The following ST8SIA2 variants were observed in gnomAD, a reference collection of about 807,000 sequenced individuals.
The protein encoded by ST8SIA2 is ST8 alpha-N-acetyl-neuraminide alpha-2,8-sialyltransferase 2, also known as alpha-2,8-sialyltransferase 8B.
Under a neutral mutation model 37.6 loss-of-function variants are expected in ST8SIA2, and 22 were observed. The observed-to-expected ratio is 0.58, with a 90% confidence interval of 0.42 to 0.83. The LOEUF (loss-of-function observed/expected upper bound fraction) is 0.83. Ranked by LOEUF, ST8SIA2 falls within the 40% of genes least tolerant of loss-of-function variation. ST8SIA2 has a pLI of 0.00. For missense variants in ST8SIA2, 382 were observed against 484.7 expected (o/e 0.79, Z 1.99); for synonymous variants, 205 against 201.2 (o/e 1.02, Z -0.16).
intron 1 of ST8SIA2, among the ~76,000 whole-genome samples, chr15:92,396,797 G>A (rs888496765): frequency 6.6e-6 from 1 of 152,172 alleles, no homozygotes; most frequent in Non-Finnish European, 1.5e-5. Flanking sequence ...CACAAGTGAG[G>A]TTTTAACACT....
intron 5 of ST8SIA2, 165 bp downstream of exon 5, chr15:92,445,094 T>C (rs2049832499): frequency 2.0e-6 from 2 of 1,019,230 alleles, no homozygotes; most frequent in Non-Finnish European, 2.9e-6. Context: ...CCTTGAGAGA[T>C]GAGGGGGTTT....
rs1435319214 is a variant in ST8SIA2 at position 92,394,238 on chromosome 15, AC to A, written c.98+81del. 3.1e-6 allele frequency: 4 copies of A among 1,290,136 alleles called. No homozygotes were observed. In the African/African-American group the frequency reaches 4.5e-5, roughly 14 times the overall value. 79.9% of individuals were successfully genotyped at this position (1,290,136 alleles called of 1,614,324 possible). A position where few individuals can be genotyped will look rare whatever the true frequency, so the allele number is the denominator to read the frequency against. ...CTCCTTCTGTACTCTCCACCCTCCG[AC>A]CCCCTTTGTGTGCGCCGCGCCCCGC... On this transcript the variant is annotated intron_variant, in intron 1 of 5. Transcript: ENST00000268164.
At chr15:92,436,231 G>A (rs917936639) in intron 3 of ST8SIA2, among the ~76,000 whole-genome samples, 2 of 152,092 alleles carry the variant, frequency 1.3e-5, no homozygotes, top group African/African-American at 4.8e-5. Flanking sequence ...ATATTTTAGA[G>A]GGGGTCACCA....
chr15:92,430,193 C>G (rs1439565579), intron 2 of ST8SIA2, 82 bp downstream of exon 2: 1 of 1,350,076 alleles, frequency 7.4e-7, no homozygotes, highest in Non-Finnish European at 1.0e-6. Context: ...TGGATGGTGC[C>G]CTTCTTACTT....
At chr15:92,398,603 C>G (rs2049449005) in intron 1 of ST8SIA2, among the ~76,000 whole-genome samples, 1 of 152,176 alleles carries the variant, frequency 6.6e-6, no homozygotes, top group Non-Finnish European at 1.5e-5. Flanking sequence ...GAGCCAGATG[C>G]TAGGCTAACT....
chr15:92,445,316 C>T (rs2049834364), intron 5 of ST8SIA2, among the ~76,000 whole-genome samples: 1 of 152,144 alleles, frequency 6.6e-6, no homozygotes, highest in African/African-American at 2.4e-5. Context: ...CACTTGACTT[C>T]AAGTAATTCA....
chr15:92,415,116 A>T (rs2049577620), intron 1 of ST8SIA2, among the ~76,000 whole-genome samples: 1 of 152,024 alleles, frequency 6.6e-6, no homozygotes, highest in East Asian at 1.9e-4. Context: ...TTCCTATTCT[A>T]TCTGTTGGTC....
intron 4 of ST8SIA2, among the ~76,000 whole-genome samples, chr15:92,440,468 T>G (rs2049793338): frequency 6.6e-6 from 1 of 152,148 alleles, no homozygotes. Context: ...GCCTCACTCC[T>G]GGGAGTCACG....
intron 3 of ST8SIA2, among the ~76,000 whole-genome samples, chr15:92,435,604 A>T (rs764321145): frequency 6.6e-6 from 1 of 152,134 alleles, no homozygotes; most frequent in Non-Finnish European, 1.5e-5. Context: ...ATGCCTCTGC[A>T]CCCTAGTTCT....
chr15:92,411,823 T>C (rs952766717), intron 1 of ST8SIA2, among the ~76,000 whole-genome samples: 1 of 152,128 alleles, frequency 6.6e-6, no homozygotes, highest in Non-Finnish European at 1.5e-5. Context: ...GAGATGGCAG[T>C]TGAAGCTCTT....
At chr15:92,407,191 G>A (rs2049514699) in intron 1 of ST8SIA2, among the ~76,000 whole-genome samples, 1 of 152,114 alleles carries the variant, frequency 6.6e-6, no homozygotes, top group Admixed American at 6.5e-5. Flanking sequence ...GACTGCTTAG[G>A]AAACAGAAAA....
intron 4 of ST8SIA2, among the ~76,000 whole-genome samples, chr15:92,440,498 A>G (rs1485328541): frequency 1.3e-5 from 2 of 152,172 alleles, no homozygotes; most frequent in Non-Finnish European, 2.9e-5. Flanking sequence ...ATCCACACAT[A>G]CTTGGAAAAT....
intron 4 of ST8SIA2, among the ~76,000 whole-genome samples, chr15:92,443,738 C>A (rs1379734585): frequency 1.3e-5 from 2 of 152,184 alleles, no homozygotes; most frequent in Non-Finnish European, 2.9e-5. Context: ...TTTCTCACCT[C>A]TCTGCCCTTG....
chr15:92,439,598 T>C (rs1452087793), intron 4 of ST8SIA2, among the ~76,000 whole-genome samples: 1 of 152,176 alleles, frequency 6.6e-6, no homozygotes, highest in African/African-American at 2.4e-5. Context: ...CGCCCTATTG[T>C]AGAGTTCCCT....
Position 92,436,490 on chromosome 15 carries a change from T to C in ST8SIA2, c.291-1863T>C, listed in dbSNP as rs117742864. 2.2e-4 allele frequency among the ~76,000 whole-genome samples: 33 copies of C among 152,326 alleles called. No homozygotes were observed. The East Asian group carries it at 5.8e-3, about 27-fold the overall frequency. On this transcript the variant is annotated intron_variant, in intron 3 of 5. Coordinates refer to ENST00000268164, the MANE Select transcript of ST8SIA2 (RefSeq NM_006011.4). ...ACCAAGATTATTCATAATAAAAGAT[T>C]CTGCAAGTGATTTGGAATGATGTTT...
chr15:92,445,397 G>A (rs555868517), intron 5 of ST8SIA2, among the ~76,000 whole-genome samples: 12 of 152,316 alleles, frequency 7.9e-5, no homozygotes, highest in Non-Finnish European at 1.6e-4. Context: ...TGGAGGATGT[G>A]AAGACTAAAT....
chr15:92,406,104 A>T (rs1194525810), intron 1 of ST8SIA2, among the ~76,000 whole-genome samples: 1 of 152,192 alleles, frequency 6.6e-6, no homozygotes, highest in Admixed American at 6.5e-5. Context: ...AGCTGGGAAG[A>T]GGTAGGGCAC....
chr15:92,442,430 C>T (rs1298764309), intron 4 of ST8SIA2, among the ~76,000 whole-genome samples: 4 of 152,138 alleles, frequency 2.6e-5, no homozygotes, highest in South Asian at 2.1e-4. Context: ...CTTCACCCCT[C>T]GTGAGCCGCC....
At chr15:92,435,743 T>C (rs971746323) in intron 3 of ST8SIA2, among the ~76,000 whole-genome samples, 2 of 152,082 alleles carry the variant, frequency 1.3e-5, no homozygotes. Flanking sequence ...TTACCGCCTC[T>C]TCAGAGGCCT....
Sources: gnomAD v4.1 joint callset for allele counts (sites outside exome capture counted in the v4.1 genomes callset) on GRCh38, gnomAD v4.1.1 for gene constraint, MANE v1.5 for transcripts, NCBI Gene and HGNC (gene_info 2026-07-23, HGNC 2026-07-21) for gene names.